Variants in SH3RF3 observed in about 807,000 individuals in gnomAD.
The protein encoded by SH3RF3 is SH3 domain containing ring finger 3, also known as E3 ubiquitin-protein ligase SH3RF3.
A neutral mutation model predicts 66.3 loss-of-function variants in SH3RF3; 29 were observed. That is an observed-to-expected ratio of 0.44 (90% CI 0.33 to 0.60). The LOEUF is 0.60. SH3RF3 is among the 20% of genes least tolerant of loss of function. The pLI, the probability that SH3RF3 is intolerant of heterozygous loss-of-function variation, is 0.04. For missense variants in SH3RF3, 1,194 were observed against 1,190.9 expected (o/e 1.00, Z -0.04); for synonymous variants, 583 against 532.0 (o/e 1.10, Z -1.32).
chr2:109,241,639 T>A (rs910098810), intron 1 of SH3RF3, among the ~76,000 whole-genome samples: 1 of 152,124 alleles, frequency 6.6e-6, no homozygotes, highest in Non-Finnish European at 1.5e-5. Context: ...TGGGACTCTC[T>A]GTCTCCCCGC....
intron 9 of SH3RF3, among the ~76,000 whole-genome samples, chr2:109,498,999 G>T (rs907193514): frequency 5.3e-5 from 8 of 152,176 alleles, no homozygotes; most frequent in Non-Finnish European, 1.0e-4. Flanking sequence ...GAATGCTGGG[G>T]CGTTTAGACT....
Position 109,490,874 on chromosome 2 carries a change from C to G in SH3RF3, c.2418C>G (p.Ser806=), listed in dbSNP as rs1210969189. 1.2e-5 allele frequency: 18 copies of G among 1,532,898 alleles called. No homozygotes were observed. Among genetic ancestry groups the G allele is most frequent in the African/African-American group, 4.1e-5 (3 of 72,998 alleles). The allele number at this position is 1,532,898 out of a possible 1,614,324, so 95.0% of individuals were successfully genotyped here. The change falls in exon 9 of 10, where the codon TCC becomes TCG. Residue 806 remains serine (S), a synonymous_variant. Coordinates refer to ENST00000309415, the MANE Select transcript of SH3RF3 (RefSeq NM_001099289.3). ...GSLDLNFTSP[S]RQAPLSMAAI... Reference sequence around the variant, plus strand: ...TGGATCTAAACTTCACATCTCCTTCCCGGCAAGCTCCGCTGTCCATGGCTG... The same window carrying G: ...TGGATCTAAACTTCACATCTCCTTCGCGGCAAGCTCCGCTGTCCATGGCTG...
intron 1 of SH3RF3, among the ~76,000 whole-genome samples, chr2:109,196,581 T>C (rs1678505353): frequency 6.6e-6 from 1 of 152,150 alleles, no homozygotes; most frequent in Admixed American, 6.5e-5. Flanking sequence ...CCCTACATCA[T>C]GTGGCTGGAT....
At chr2:109,493,488 A>G (rs1275670938) in intron 9 of SH3RF3, among the ~76,000 whole-genome samples, 1 of 151,720 alleles carries the variant, frequency 6.6e-6, no homozygotes, top group African/African-American at 2.4e-5. Flanking sequence ...CATACCCCAC[A>G]TACACCATAC....
chr2:109,498,690 T>G (rs1573299873), intron 9 of SH3RF3, among the ~76,000 whole-genome samples: 1 of 152,232 alleles, frequency 6.6e-6, no homozygotes, highest in African/African-American at 2.4e-5. Flanking sequence ...CCCAGGGAAC[T>G]GTGGGGGGTC....
chr2:109,178,804 A>G (rs928925988), intron 1 of SH3RF3, among the ~76,000 whole-genome samples: 1 of 152,224 alleles, frequency 6.6e-6, no homozygotes, highest in Non-Finnish European at 1.5e-5. Context: ...AAAATGTTTA[A>G]TGAGCAAAAT....
chr2:109,207,024 C>G (rs571158422), intron 1 of SH3RF3, among the ~76,000 whole-genome samples: 2 of 152,172 alleles, frequency 1.3e-5, no homozygotes, highest in Admixed American at 6.5e-5. Context: ...GTGAGAACCA[C>G]TCAGGGCCTG....
intron 8 of SH3RF3, among the ~76,000 whole-genome samples, chr2:109,483,310 A>G (rs73953132): frequency 0.037 from 5,702 of 152,288 alleles, 326 homozygotes; most frequent in African/African-American, 0.12. Flanking sequence ...TTTCTTCTGA[A>G]TATCTAAAGT....
At chr2:109,170,724 T>C (rs1321079527) in intron 1 of SH3RF3, among the ~76,000 whole-genome samples, 1 of 152,170 alleles carries the variant, frequency 6.6e-6, no homozygotes, top group Non-Finnish European at 1.5e-5. Flanking sequence ...TAAATATTTG[T>C]TGGGCATTGA....
At chr2:109,303,683 T>C (rs1217205453) in intron 1 of SH3RF3, among the ~76,000 whole-genome samples, 1 of 152,230 alleles carries the variant, frequency 6.6e-6, no homozygotes, top group Non-Finnish European at 1.5e-5. Context: ...GGTTTTGTTT[T>C]GCTTGGTATT....
intron 3 of SH3RF3, among the ~76,000 whole-genome samples, chr2:109,383,293 C>A (rs1183092287): frequency 6.6e-6 from 1 of 152,212 alleles, no homozygotes; most frequent in Non-Finnish European, 1.5e-5. Context: ...ACCAAGCACA[C>A]CCATGTGGAG....
intron 3 of SH3RF3, among the ~76,000 whole-genome samples, chr2:109,386,168 G>T (rs1475419699): frequency 6.6e-6 from 1 of 152,226 alleles, no homozygotes; most frequent in Non-Finnish European, 1.5e-5. Flanking sequence ...CGCCTTGCCT[G>T]GAATTGCTCC....
intron 1 of SH3RF3, among the ~76,000 whole-genome samples, chr2:109,264,092 C>G (rs1187874558): frequency 6.6e-6 from 1 of 152,254 alleles, no homozygotes; most frequent in Non-Finnish European, 1.5e-5. Context: ...AGCTACAGAT[C>G]TCAGTCTGTG....
At chr2:109,206,348 G>A (rs753724211) in intron 1 of SH3RF3, among the ~76,000 whole-genome samples, 1 of 151,800 alleles carries the variant, frequency 6.6e-6, no homozygotes, top group South Asian at 2.1e-4. Context: ...AAAATTTGCC[G>A]GGCTTGGTGG....
intron 4 of SH3RF3, among the ~76,000 whole-genome samples, chr2:109,403,426 C>T (rs1358222606): frequency 6.6e-6 from 1 of 152,212 alleles, no homozygotes; most frequent in African/African-American, 2.4e-5. Context: ...ATGAGGAAGC[C>T]GAGGCCCCAG....
chr2:109,369,181 T>TA (rs748661837), intron 2 of SH3RF3, among the ~76,000 whole-genome samples: 3,865 of 138,202 alleles, frequency 0.028, 182 homozygotes, highest in East Asian at 0.21. Context: ...CGTCTCTTCT[T>TA]AAAAAAAAAA....
intron 1 of SH3RF3, among the ~76,000 whole-genome samples, chr2:109,265,965 G>T (rs185392084): frequency 6.6e-6 from 1 of 152,068 alleles, no homozygotes; most frequent in Non-Finnish European, 1.5e-5. Context: ...GAAATCCTTG[G>T]GAGCCCAGAC....
intron 3 of SH3RF3, among the ~76,000 whole-genome samples, chr2:109,375,327 C>T (rs1415644652): frequency 1.3e-5 from 2 of 152,222 alleles, no homozygotes; most frequent in African/African-American, 2.4e-5. Flanking sequence ...CTCCTGCGGC[C>T]GTCCCCACGC....
chr2:109,283,237 C>T (rs752269107), intron 1 of SH3RF3, among the ~76,000 whole-genome samples: 37 of 152,208 alleles, frequency 2.4e-4, no homozygotes, highest in Non-Finnish European at 4.7e-4. Context: ...GTCTCCCGCT[C>T]TGGGTGCTTG....
Sources: allele counts gnomAD v4.1 joint callset (sites outside exome capture counted in the v4.1 genomes callset), GRCh38; gene constraint gnomAD v4.1.1; transcripts MANE v1.5; gene names NCBI Gene and HGNC (gene_info 2026-07-23, HGNC 2026-07-21).